The following C2orf76 variants were observed in gnomAD, a reference collection of about 807,000 sequenced individuals.
C2orf76 encodes UPF0538 protein C2orf76.
A neutral mutation model predicts 16.9 loss-of-function variants in C2orf76; 23 were observed. That is an observed-to-expected ratio of 1.36 (90% confidence interval 0.98 to 1.93). The LOEUF (loss-of-function observed/expected upper bound fraction) is 1.93. Among genes scored for constraint, C2orf76 ranks in the 30% most tolerant of loss-of-function variants. The pLI is 0.00. For synonymous variants in C2orf76, 48 were observed against 52.3 expected, an observed-to-expected ratio of 0.92 and a Z score of 0.35; for missense variants, 152 against 152.6, an observed-to-expected ratio of 1.00 and a Z score of 0.02.
intron 1 of C2orf76, among the ~76,000 whole-genome samples, chr2:119,342,623 A>C (rs1343531591): frequency 6.6e-6 from 1 of 152,046 alleles, no homozygotes; most frequent in Non-Finnish European, 1.5e-5. Flanking sequence ...AAAAACAAAA[A>C]AGAAAAAAAA....
the C2orf76 span, among the ~76,000 whole-genome samples, chr2:119,286,291 C>T: frequency 1.3e-5 from 2 of 150,348 alleles, no homozygotes; most frequent in African/African-American, 4.9e-5. Flanking sequence ...GACTGGCCAG[C>T]ACACAGCAGG....
rs564050423 is a variant in C2orf76 at position 119,364,310 on chromosome 2, G to A, written c.-13+2480C>T. 7.9e-5 allele frequency among the ~76,000 whole-genome samples: 12 copies of A among 152,298 alleles called. No homozygotes were observed. In the East Asian group the frequency reaches 2.3e-3, roughly 29 times the overall value. On this transcript the variant is annotated intron_variant, in intron 1 of 5. Transcript: ENST00000334816. ...ATGACAATGGCCTCTCTATTGATTG[G>A]CAGGGTCAATTTGGCTGACAAGTTG...
intron 2 of C2orf76, among the ~76,000 whole-genome samples, chr2:119,334,409 G>A (rs1372072937): frequency 6.8e-6 from 1 of 147,042 alleles, no homozygotes; most frequent in Non-Finnish European, 1.5e-5. Flanking sequence ...AAAAAAGGTC[G>A]GGCACAGCGA....
intron 1 of C2orf76, among the ~76,000 whole-genome samples, chr2:119,366,019 G>A: frequency 6.6e-6 from 1 of 151,672 alleles, no homozygotes; most frequent in Admixed American, 6.6e-5. Context: ...TCTCTGCTTG[G>A]AATCTTCCCT....
At chr2:119,294,091 CAG>C in the C2orf76 span, among the ~76,000 whole-genome samples, 1 of 152,052 alleles carries the variant, frequency 6.6e-6, no homozygotes, top group Non-Finnish European at 1.5e-5. Flanking sequence ...TTAGAGAAGT[CAG>C]AGGACCGAGC....
At chr2:119,364,039 G>GAGAGACAGACAGACAGACAGAC (rs113457627) in intron 1 of C2orf76, among the ~76,000 whole-genome samples, 2 of 147,574 alleles carry the variant, frequency 1.4e-5, no homozygotes, top group Non-Finnish European at 3.0e-5. Context: ...GAGAGAGAGA[G>GAGAGACAGACAGACAGACAGAC]AGACAGACAG....
intron 3 of C2orf76, 111 bp downstream of exon 3, chr2:119,321,043 A>G (rs1679324777): frequency 1.9e-6 from 1 of 534,310 alleles, no homozygotes. Flanking sequence ...ATAAACTTCC[A>G]AATTGGTTTT....
chr2:119,363,438 C>CAAA (rs767310960), intron 1 of C2orf76, among the ~76,000 whole-genome samples: 1 of 138,184 alleles, frequency 7.2e-6, no homozygotes. Flanking sequence ...AAAAAAAAGG[C>CAAA]AAAAAAAAAA....
intron 3 of C2orf76, among the ~76,000 whole-genome samples, chr2:119,319,216 G>C (rs909303244): frequency 3.3e-5 from 5 of 152,004 alleles, no homozygotes; most frequent in African/African-American, 1.2e-4. Context: ...TGCTCTAATA[G>C]GTTTGGCAAA....
At chr2:119,289,261 T>G in the C2orf76 span, among the ~76,000 whole-genome samples, 1 of 152,074 alleles carries the variant, frequency 6.6e-6, no homozygotes, top group Non-Finnish European at 1.5e-5. Flanking sequence ...AGGGACATAC[T>G]GTACTCTGCC....
chr2:119,344,984 G>A (rs931602903), intron 1 of C2orf76, among the ~76,000 whole-genome samples: 2 of 152,040 alleles, frequency 1.3e-5, no homozygotes, highest in African/African-American at 4.8e-5. Context: ...AGTAACAATG[G>A]ATTCTTATCT....
At chr2:119,364,258 T>C (rs11893035) in intron 1 of C2orf76, among the ~76,000 whole-genome samples, 44,083 of 151,936 alleles carry the variant, frequency 0.29, 6,553 homozygotes, top group African/African-American at 0.33. Context: ...AAAGTGGTAT[T>C]CCCAGATGTG....
chr2:119,294,763 G>A, the C2orf76 span, among the ~76,000 whole-genome samples: 1 of 152,166 alleles, frequency 6.6e-6, no homozygotes, highest in Non-Finnish European at 1.5e-5. Flanking sequence ...ATGACCGACA[G>A]CGTGGCCAGT....
chr2:119,296,657 C>T, the C2orf76 span, among the ~76,000 whole-genome samples: 1 of 152,202 alleles, frequency 6.6e-6, no homozygotes, highest in South Asian at 2.1e-4. Flanking sequence ...CACCATCTCT[C>T]CTGCCTGTGT....
At chr2:119,287,345 C>A in the C2orf76 span, among the ~76,000 whole-genome samples, 1 of 152,064 alleles carries the variant, frequency 6.6e-6, no homozygotes. Context: ...GAAGTGCCTA[C>A]CAGCCAGAAA....
intron 1 of C2orf76, among the ~76,000 whole-genome samples, chr2:119,344,582 G>A (rs1477084541): frequency 6.6e-6 from 1 of 152,024 alleles, no homozygotes; most frequent in African/African-American, 2.4e-5. Flanking sequence ...AGCTGTTTGG[G>A]AATCTTGACA....
At chr2:119,330,456 G>A (rs1021819959) in intron 2 of C2orf76, among the ~76,000 whole-genome samples, 6 of 151,482 alleles carry the variant, frequency 4.0e-5, no homozygotes, top group Admixed American at 3.9e-4. Context: ...TTTATGTAAT[G>A]TGTTCTTTTT....
intron 1 of C2orf76, among the ~76,000 whole-genome samples, chr2:119,354,030 C>CA (rs1272123455): frequency 1.3e-5 from 2 of 152,112 alleles, no homozygotes; most frequent in Admixed American, 6.6e-5. Context: ...ATCCTCACCA[C>CA]AAAGAGATAA....
At chr2:119,316,558 AT>A (rs1679178920) in intron 4 of C2orf76, among the ~76,000 whole-genome samples, 1 of 152,306 alleles carries the variant, frequency 6.6e-6, no homozygotes, top group South Asian at 2.1e-4. Flanking sequence ...GCCTCATGCC[AT>A]TTTCTTGTGA....
Sources: gnomAD v4.1 joint callset for allele counts (sites outside exome capture counted in the v4.1 genomes callset) on GRCh38, gnomAD v4.1.1 for gene constraint, MANE v1.5 for transcripts, NCBI Gene and HGNC (gene_info 2026-07-23, HGNC 2026-07-21) for gene names.